USP32: variants seen among roughly 807,000 people sequenced by gnomAD.
USP32 encodes the protein ubiquitin specific peptidase 32, also known as ubiquitin carboxyl-terminal hydrolase 32.
In USP32, 59 loss-of-function variants were observed where a neutral mutation model predicts 204.8. The ratio of observed to expected loss-of-function variants is 0.29; its 90% confidence interval spans 0.23 to 0.36. The LOEUF (loss-of-function observed/expected upper bound fraction) is 0.36, where lower values mean the gene tolerates loss of function less well. Ranked by LOEUF, USP32 falls within the 10% of genes least tolerant of loss-of-function variation. The probability of loss-of-function intolerance (pLI) is 1.00; values close to 1 mark genes in which losing one functional copy is unlikely to be tolerated. For synonymous variants in USP32, 517 were observed against 678.4 expected (o/e 0.76, Z 3.70); for missense variants, 1,160 against 1,946.4 (o/e 0.60, Z 7.60).
chr17:60,334,386 C>T (rs2088463687), intron 2 of USP32, among the ~76,000 whole-genome samples: 1 of 152,098 alleles, frequency 6.6e-6, no homozygotes, highest in African/African-American at 2.4e-5. Context: ...TTTATGCATT[C>T]ACAACATATC....
intron 11 of USP32, among the ~76,000 whole-genome samples, chr17:60,241,984 T>C (rs1158687281): frequency 1.3e-5 from 2 of 152,202 alleles, no homozygotes; most frequent in African/African-American, 4.8e-5. Flanking sequence ...TTTCTAGAAG[T>C]GTTATATTTT....
intron 11 of USP32, among the ~76,000 whole-genome samples, chr17:60,242,628 C>A (rs1241310251): frequency 6.6e-6 from 1 of 152,136 alleles, no homozygotes; most frequent in African/African-American, 2.4e-5. Context: ...CCAGGCTGAT[C>A]TCAAACTTCT....
At position 60,231,118 on chromosome 17, in the gene USP32, G is replaced by T. The variant is rs8074273; in HGVS notation, c.1240-4887C>A. ...ACTAGGTACTTATTTTAATATAAGA[G>T]AATTTTATTTTGAGATTTTAGGATT... On this transcript the variant is annotated intron_variant, in intron 12 of 33. Coordinates refer to ENST00000300896, the MANE Select transcript of USP32 (RefSeq NM_032582.4). Among the ~76,000 whole-genome samples, 359 of 152,248 alleles carry T rather than the reference G, an allele frequency of 2.4e-3. 2 individuals are homozygous for T. Among genetic ancestry groups the T allele is most frequent in the African/African-American group, 8.4e-3 (347 of 41,556 alleles).
intron 2 of USP32, among the ~76,000 whole-genome samples, chr17:60,315,485 A>G (rs140352529): frequency 1.3e-5 from 2 of 152,322 alleles, no homozygotes; most frequent in East Asian, 3.9e-4. Context: ...TACACTGTTG[A>G]TGGAAATGTA....
chr17:60,256,879 TC>T, intron 9 of USP32: 1 of 526,974 alleles, frequency 1.9e-6, no homozygotes, highest in South Asian at 1.8e-5. Flanking sequence ...ATTTCTATTC[TC>T]CAGAGTATCC....
intron 1 of USP32, among the ~76,000 whole-genome samples, chr17:60,402,407 C>T (rs2089943484): frequency 6.6e-6 from 1 of 152,012 alleles, no homozygotes; most frequent in Admixed American, 6.6e-5. Flanking sequence ...CACACCACCA[C>T]ACCTGGCTAA....
chr17:60,326,047 C>A (rs1408496724), intron 2 of USP32, among the ~76,000 whole-genome samples: 1 of 148,482 alleles, frequency 6.7e-6, no homozygotes, highest in Non-Finnish European at 1.5e-5. Flanking sequence ...CTACTAGAAA[C>A]TGGTTGCTTC....
At chr17:60,387,019 C>T (rs1182047017) in intron 1 of USP32, among the ~76,000 whole-genome samples, 1 of 152,040 alleles carries the variant, frequency 6.6e-6, no homozygotes, top group Non-Finnish European at 1.5e-5. Flanking sequence ...CCAACAATTC[C>T]AAACTAATGC....
At chr17:60,236,347 A>G in intron 11 of USP32, 107 bp from the exon 12 acceptor site, 1 of 886,730 alleles carries the variant, frequency 1.1e-6, no homozygotes, top group Non-Finnish European at 1.8e-6. Context: ...AAACATTTAG[A>G]TGTAATTAGG....
At chr17:60,360,957 C>T (rs907410090) in intron 1 of USP32, among the ~76,000 whole-genome samples, 1 of 151,880 alleles carries the variant, frequency 6.6e-6, no homozygotes, top group African/African-American at 2.4e-5. Flanking sequence ...GGCGAAACCC[C>T]ATCTCTACTA....
intron 11 of USP32, among the ~76,000 whole-genome samples, chr17:60,237,791 C>T (rs2085771887): frequency 6.6e-6 from 1 of 152,096 alleles, no homozygotes; most frequent in Non-Finnish European, 1.5e-5. Flanking sequence ...AATAATATTC[C>T]ATGGTGTGTA....
intron 33 of USP32, among the ~76,000 whole-genome samples, chr17:60,179,817 C>T (rs557439661): frequency 3.9e-5 from 6 of 152,052 alleles, no homozygotes; most frequent in South Asian, 4.2e-4. Context: ...ACTACAGGTG[C>T]GTGCCACCAC....
chr17:60,201,229 C>A (rs536542478), intron 26 of USP32, among the ~76,000 whole-genome samples: 1 of 152,298 alleles, frequency 6.6e-6, no homozygotes, highest in Admixed American at 6.5e-5. Flanking sequence ...TATATAACTA[C>A]AAATCCATTC....
intron 2 of USP32, among the ~76,000 whole-genome samples, chr17:60,340,578 G>T (rs1241713452): frequency 6.6e-6 from 1 of 152,142 alleles, no homozygotes; most frequent in Admixed American, 6.6e-5. Flanking sequence ...CACGTGAGAT[G>T]GGTCTCCTGA....
chr17:60,228,115 T>C (rs952186679), intron 12 of USP32, among the ~76,000 whole-genome samples: 1 of 151,790 alleles, frequency 6.6e-6, no homozygotes, highest in Admixed American at 6.6e-5. Context: ...AACCTCCGCC[T>C]CTAGCTTCAA....
intron 2 of USP32, among the ~76,000 whole-genome samples, chr17:60,306,642 G>GAA (rs59409658): frequency 2.7e-5 from 4 of 145,470 alleles, no homozygotes; most frequent in East Asian, 4.0e-4. Context: ...CGTCTCGAAA[G>GAA]AAAAAAAAAA....
chr17:60,385,416 C>T (rs746076148), intron 1 of USP32, among the ~76,000 whole-genome samples: 5 of 152,204 alleles, frequency 3.3e-5, no homozygotes, highest in Non-Finnish European at 5.9e-5. Flanking sequence ...TGTGGTGGCA[C>T]ACGCCTGTAG....
chr17:60,192,978 A>G lies in USP32; in HGVS notation c.3435-48T>C, dbSNP rs1274075297. 1.9e-6 allele frequency: 3 copies of G among 1,593,446 alleles called. No homozygotes were observed. The Admixed American group carries it at 5.0e-5, about 27-fold the overall frequency. ...GAGTGTAAGAAGCATTTCTGGTTCG[A>G]GGTCCAACTCCTCTTCATCTTCTCT... On this transcript the variant is annotated intron_variant, in intron 27 of 33. Transcript: ENST00000300896.
intron 12 of USP32, among the ~76,000 whole-genome samples, chr17:60,234,965 A>G (rs1022007666): frequency 1.3e-5 from 2 of 152,130 alleles, no homozygotes; most frequent in African/African-American, 4.8e-5. Flanking sequence ...AGATTCTCCC[A>G]TGTATACCTC....
Sources: gnomAD v4.1 joint callset for allele counts (sites outside exome capture counted in the v4.1 genomes callset) on GRCh38, gnomAD v4.1.1 for gene constraint, MANE v1.5 for transcripts, NCBI Gene and HGNC (gene_info 2026-07-23, HGNC 2026-07-21) for gene names.